Variants in RYR2 observed in about 807,000 individuals in gnomAD.
The protein encoded by RYR2 is cardiac muscle ryanodine receptor-calcium release channel.
Under a neutral mutation model 601.1 loss-of-function variants are expected in RYR2, and 227 were observed. The ratio of observed to expected loss-of-function variants is 0.38; its 90% CI spans 0.34 to 0.42. RYR2 has a LOEUF of 0.42. RYR2 is among the 10% of genes least tolerant of loss of function. RYR2 has a pLI of 1.00. For synonymous variants in RYR2, 2,223 were observed against 2,175.1 expected (o/e 1.02, Z -0.61); for missense variants, 4,646 against 6,156.5 (o/e 0.75, Z 8.21).
rs375792769 is a variant in RYR2, at chr1:237,544,050, C to A, written c.2907-4381C>A. ...AATTTTGCTATCGGGAAAGCAAAGC[C>A]TAAACTGTTAGGTATTTGATTACTC... On this transcript the variant is annotated intron_variant, in intron 25 of 104. Transcript: ENST00000366574. Among the ~76,000 whole-genome samples the A allele has an allele frequency of 4.6e-5, 7 of 152,210 alleles. No homozygotes were observed. The East Asian group carries it at 1.4e-3, about 29-fold the overall frequency.
chr1:237,359,579 A>G (rs1699595977), intron 4 of RYR2, among the ~76,000 whole-genome samples: 1 of 152,186 alleles, frequency 6.6e-6, no homozygotes, highest in Non-Finnish European at 1.5e-5. Context: ...ATCTTCTGAT[A>G]ACATTATTCT....
intron 1 of RYR2, among the ~76,000 whole-genome samples, chr1:237,097,724 A>G (rs1667637057): frequency 6.6e-6 from 1 of 152,192 alleles, no homozygotes; most frequent in South Asian, 2.1e-4. Context: ...CTGGGGATTT[A>G]TGTTTTTAAA....
chr1:237,558,740 A>T (rs1209078102), intron 27 of RYR2, among the ~76,000 whole-genome samples: 1 of 151,768 alleles, frequency 6.6e-6, no homozygotes, highest in Non-Finnish European at 1.5e-5. Flanking sequence ...CATTATGTGT[A>T]TGTTGGTATG....
chr1:237,595,433 A>G (rs1454560841), intron 33 of RYR2, 65 bp from the exon 34 acceptor site: 1 of 1,577,374 alleles, frequency 6.3e-7, no homozygotes, highest in East Asian at 2.3e-5. Context: ...TTAGTTTGCA[A>G]GATATACCTG....
Position 237,707,068 on chromosome 1 carries a change from G to T in RYR2, c.9700G>T (p.Val3234Phe). Residue 3234 changes from valine to phenylalanine, a missense_variant, in exon 68 of 105, where the codon GTC becomes TTC. By Grantham distance (50) the Val-to-Phe change is conservative. This residue lies in a region of RYR2 where 1,497 missense variants were observed against 1,842.6 expected (regional missense o/e 0.81). Coordinates refer to ENST00000366574, the MANE Select transcript of RYR2 (RefSeq NM_001035.3). ...CATTCGCTACACTCAAATGCCACAT[G>T]TCATGGAAGTCATACTGCCCATGCT... ...SGIRYTQMPH[V>F]MEVILPMLCS... 3 of 1,613,888 alleles carry T rather than the reference G, an allele frequency of 1.9e-6. No homozygotes were observed. Among genetic ancestry groups the T allele is most frequent in the Non-Finnish European group, 2.5e-6 (3 of 1,179,854 alleles).
chr1:237,674,171 C>T lies in RYR2; in HGVS notation c.8666C>T (p.Ala2889Val). 2 of 1,612,416 alleles carry T rather than the reference C, an allele frequency of 1.2e-6. No individual in the cohort carries two copies. The highest frequency in any genetic ancestry group is 3.3e-5 in the Admixed American group (2 of 59,996). ...AKEKAKDREKAQDILKFLQIN... is the reference protein window; with the variant it reads ...AKEKAKDREKVQDILKFLQIN... The stretch of plus-strand genomic sequence containing the variant: ...GAGAAAGCCAAGGATAGAGAAAAAG[C>T]ACAGGACATCCTCAAGTTCTTGCAG... Residue 2889 changes from alanine to valine, a missense_variant, in exon 59 of 105, where the codon GCA (alanine) becomes GTA (valine). Ala to Val is a moderately conservative substitution (Grantham distance 64, BLOSUM62 0). Around this residue, in one of 17 missense-constraint regions of RYR2, gnomAD observed 1,497 missense variants for 1,842.6 expected, o/e 0.81. Coordinates refer to ENST00000366574, the MANE Select transcript of RYR2 (RefSeq NM_001035.3).
chr1:237,684,268 C>T (rs766792231), intron 62 of RYR2, among the ~76,000 whole-genome samples: 76 of 152,016 alleles, frequency 5.0e-4, no homozygotes, highest in Non-Finnish European at 6.6e-4. Flanking sequence ...CACCTATGTA[C>T]GGCAAGCTGT....
At chr1:237,732,310 G>A (rs922595017) in intron 78 of RYR2, among the ~76,000 whole-genome samples, 161 bp downstream of exon 78, 11 of 152,110 alleles carry the variant, frequency 7.2e-5, no homozygotes, top group Admixed American at 2.0e-4. Context: ...CCTAGGGACC[G>A]ACACTCATTC....
rs372359390 is a variant in RYR2 at position 237,148,515 on chromosome 1, T to TA, written c.48+105959dup. On this transcript the variant is annotated intron_variant, in intron 1 of 104. Transcript: ENST00000366574. The stretch of plus-strand genomic sequence containing the variant: ...TGCACATGTATCCCAGAACTTCAAG[T>TA]AAAAAAAAAAAAATATATATATATA... Among the ~76,000 whole-genome samples, 224 of 105,118 alleles carry TA rather than the reference T, an allele frequency of 2.1e-3. 4 individuals are homozygous for TA. The highest frequency in any genetic ancestry group is 7.0e-3 in the African/African-American group (167 of 23,792). The allele number at this position is 105,118 out of a possible 152,430, so 69.0% of individuals were successfully genotyped here. A position where few individuals can be genotyped will look rare whatever the true frequency, so the allele number is the denominator to read the frequency against.
intron 23 of RYR2, among the ~76,000 whole-genome samples, chr1:237,510,615 G>A (rs562811883): frequency 6.6e-6 from 1 of 152,210 alleles, no homozygotes; most frequent in South Asian, 2.1e-4. Flanking sequence ...GGTGACTGCT[G>A]AAGACTTAAA....
chr1:237,681,997 A>G (rs977212354), intron 62 of RYR2, among the ~76,000 whole-genome samples: 2 of 152,204 alleles, frequency 1.3e-5, no homozygotes, highest in African/African-American at 4.8e-5. Flanking sequence ...TTACATAAAG[A>G]TAAAATCAGA....
intron 8 of RYR2, among the ~76,000 whole-genome samples, chr1:237,381,838 C>T (rs952242803): frequency 1.3e-5 from 2 of 152,130 alleles, no homozygotes; most frequent in Non-Finnish European, 2.9e-5. Flanking sequence ...TGTCTTTTCT[C>T]ATTTTTGCTG....
chr1:237,277,703 C>G (rs1192021281), intron 2 of RYR2, among the ~76,000 whole-genome samples: 1 of 152,028 alleles, frequency 6.6e-6, no homozygotes, highest in Non-Finnish European at 1.5e-5. Flanking sequence ...GCCTGTGGTC[C>G]CAGCTACTCA....
At chr1:237,269,268 C>T (rs141925377) in intron 1 of RYR2, among the ~76,000 whole-genome samples, 1,707 of 151,900 alleles carry the variant, frequency 0.011, 40 homozygotes, top group African/African-American at 0.038. Flanking sequence ...GTCTCGAACT[C>T]CCAACCTCAG....
chr1:237,561,407 A>G (rs773174366), intron 27 of RYR2, among the ~76,000 whole-genome samples: 1 of 152,198 alleles, frequency 6.6e-6, no homozygotes, highest in South Asian at 2.1e-4. Context: ...AAAGGGAGAA[A>G]TATCTTCAGA....
chr1:237,694,281 G>A (rs1298010538), intron 63 of RYR2, among the ~76,000 whole-genome samples: 13 of 140,136 alleles, frequency 9.3e-5, no homozygotes, highest in African/African-American at 3.2e-4. Flanking sequence ...GCGACACGGC[G>A]AGACTCCCTC....
chr1:237,482,762 T>C (rs1331294698), intron 17 of RYR2, among the ~76,000 whole-genome samples: 2 of 152,172 alleles, frequency 1.3e-5, no homozygotes, highest in Non-Finnish European at 2.9e-5. Context: ...TTTTAGTTTT[T>C]TGAGGAACCT....
At chr1:237,806,431 T>C (rs1660643209) in intron 99 of RYR2, 148 bp downstream of exon 99, 2 of 736,792 alleles carry the variant, frequency 2.7e-6, no homozygotes, top group Non-Finnish European at 4.3e-6. Context: ...ACTGCAGGGA[T>C]TAGTAGTTTG....
rs559456542 is a variant in RYR2 at position 237,674,311 on chromosome 1, T to C, written c.8714+92T>C. On this transcript the variant is annotated intron_variant, in intron 59 of 104. Coordinates refer to ENST00000366574, the MANE Select transcript of RYR2 (RefSeq NM_001035.3). ...TATTTAAAGCTGAAAATGAATTCAA[T>C]GATCTGTTTACACTTTTGAGGTACT... The C allele has an allele frequency of 2.2e-4, 223 of 1,010,686 alleles. 1 individual carries two copies. The Middle Eastern group carries it at 3.6e-3, about 16-fold the overall frequency. The allele number at this position is 1,010,686 out of a possible 1,614,324, so 62.6% of individuals were successfully genotyped here.
Sources: gnomAD v4.1 joint callset for allele counts (sites outside exome capture counted in the v4.1 genomes callset) on GRCh38, gnomAD v4.1.1 for gene constraint, gnomAD v4.1.1 regional missense constraint, MANE v1.5 for transcripts, NCBI Gene and HGNC (gene_info 2026-07-23, HGNC 2026-07-21) for gene names.